LRTM3: variants seen among roughly 807,000 people sequenced by gnomAD.
LRTM3 encodes the protein leucine-rich repeat transmembrane protein 3.
chr13:102,745,430 G>A, the LRTM3 span: 1 of 1,550,798 alleles, frequency 6.4e-7, no homozygotes, highest in Non-Finnish European at 8.7e-7. Flanking sequence ...GAAAGCATAT[G>A]TTTCATCTAC....
At chr13:102,747,207 G>A in the LRTM3 span, 1 of 1,550,506 alleles carries the variant, frequency 6.4e-7, no homozygotes, top group Non-Finnish European at 8.7e-7. Flanking sequence ...AGCTTGATAT[G>A]ACTGTGATTC....
the LRTM3 span, chr13:102,743,941 T>C: frequency 6.4e-7 from 1 of 1,550,574 alleles, no homozygotes; most frequent in East Asian, 2.4e-5. Context: ...CTTGTACCTC[T>C]TCCTTTTCCT....
chr13:102,751,692 A>G, the LRTM3 span, among the ~76,000 whole-genome samples: 1 of 152,166 alleles, frequency 6.6e-6, no homozygotes, highest in African/African-American at 2.4e-5. Context: ...TGTAAGTGTG[A>G]CTTTACTTTT....
At chr13:102,737,048 A>G in the LRTM3 span, 7 of 1,550,722 alleles carry the variant, frequency 4.5e-6, no homozygotes, top group Non-Finnish European at 6.1e-6. Flanking sequence ...TTTTTCTTTT[A>G]TGTTTGTTAG....
chr13:102,738,317 T>G, the LRTM3 span: 1 of 1,551,000 alleles, frequency 6.4e-7, no homozygotes, highest in South Asian at 1.2e-5. Flanking sequence ...TTCCCCTGCC[T>G]CTGATGATTT....
the LRTM3 span, chr13:102,734,612 T>C: frequency 6.4e-7 from 1 of 1,551,138 alleles, no homozygotes. Flanking sequence ...AGGGATATGT[T>C]GCTTTTCATT....
At chr13:102,746,818 G>T in the LRTM3 span, 3 of 1,551,056 alleles carry the variant, frequency 1.9e-6, no homozygotes, top group South Asian at 1.2e-5. Flanking sequence ...GGTTTAAAGG[G>T]TCTCCAATCA....
At chr13:102,735,971 A>C in the LRTM3 span, 1 of 1,549,444 alleles carries the variant, frequency 6.5e-7, no homozygotes. Context: ...TAGAAGTGCA[A>C]GTGGGAGTGC....
chr13:102,736,638 T>G, the LRTM3 span: 1 of 1,550,986 alleles, frequency 6.4e-7, no homozygotes, highest in Non-Finnish European at 8.7e-7. Context: ...AGTACAACTA[T>G]TTCCACCTCA....
chr13:102,746,256 G>T, the LRTM3 span: 398 of 1,550,942 alleles, frequency 2.6e-4, no homozygotes, highest in Non-Finnish European at 3.2e-4. Context: ...GACCCCAGGT[G>T]CTGGCTCAGC....
the LRTM3 span, chr13:102,734,436 C>T: frequency 6.4e-7 from 1 of 1,551,308 alleles, no homozygotes; most frequent in Non-Finnish European, 8.7e-7. Flanking sequence ...TGAATCATAC[C>T]TGGTGGTTTA....
At chr13:102,752,201 C>T in the LRTM3 span, among the ~76,000 whole-genome samples, 1 of 152,166 alleles carries the variant, frequency 6.6e-6, no homozygotes, top group African/African-American at 2.4e-5. Flanking sequence ...AAAAACTCCA[C>T]CCTCGGATCA....
chr13:102,734,365 A>AGC, the LRTM3 span: 1 of 1,551,376 alleles, frequency 6.4e-7, no homozygotes, highest in South Asian at 1.2e-5. Flanking sequence ...CTGCATGCGT[A>AGC]GCTCTCTCCA....
the LRTM3 span, chr13:102,744,984 C>T: frequency 6.4e-7 from 1 of 1,550,656 alleles, no homozygotes; most frequent in Non-Finnish European, 8.7e-7. Context: ...TTTACTGAGT[C>T]CTCTGATTTT....
chr13:102,730,629 T>G, the LRTM3 span: 46 of 1,551,970 alleles, frequency 3.0e-5, no homozygotes, highest in Non-Finnish European at 3.7e-5. Context: ...AATTTTCTGA[T>G]GAGTGATGAG....
At chr13:102,756,237 C>G in the LRTM3 span, among the ~76,000 whole-genome samples, 45,226 of 149,644 alleles carry the variant, frequency 0.3, 7,070 homozygotes, top group South Asian at 0.36. Flanking sequence ...CAGGCGTGAG[C>G]CACCGTGTTA....
At chr13:102,737,280 C>A in the LRTM3 span, 1 of 1,551,178 alleles carries the variant, frequency 6.4e-7, no homozygotes, top group Non-Finnish European at 8.7e-7. Context: ...TTCCCTGCAT[C>A]AAATGATTTC....
At chr13:102,743,279 T>G in the LRTM3 span, 1 of 1,550,616 alleles carries the variant, frequency 6.4e-7, no homozygotes, top group Non-Finnish European at 8.7e-7. Context: ...TGGTTGTGTA[T>G]GACTTAACCC....
chr13:102,746,434 T>A, the LRTM3 span: 1 of 1,551,188 alleles, frequency 6.4e-7, no homozygotes, highest in East Asian at 2.4e-5. Flanking sequence ...CTCTCTGCAA[T>A]CTGCTATGCA....
Sources: gnomAD v4.1 joint callset for allele counts (sites outside exome capture counted in the v4.1 genomes callset) on GRCh38, gnomAD v4.1.1 for gene constraint, MANE v1.5 for transcripts, NCBI Gene and HGNC (gene_info 2026-07-23, HGNC 2026-07-21) for gene names.